The following ROBO2 variants were observed in gnomAD, a reference collection of about 807,000 sequenced individuals.
The protein encoded by ROBO2 is roundabout guidance receptor 2, also known as roundabout homolog 2.
A neutral mutation model predicts 160.8 loss-of-function variants in ROBO2; 53 were observed. The observed-to-expected ratio is 0.33, with a 90% confidence interval of 0.26 to 0.41. ROBO2 has a LOEUF of 0.41. Ranked by LOEUF, ROBO2 falls within the 10% of genes least tolerant of loss-of-function variation. The pLI, the probability that ROBO2 is intolerant of heterozygous loss-of-function variation, is 1.00. For synonymous variants in ROBO2, 664 were observed against 611.7 expected, an observed-to-expected ratio of 1.09 and a Z score of -1.26; for missense variants, 1,577 against 1,722.4, an observed-to-expected ratio of 0.92 and a Z score of 1.49.
intron 4 of ROBO2, among the ~76,000 whole-genome samples, chr3:77,485,510 T>C (rs2085245812): frequency 6.6e-6 from 1 of 152,110 alleles, no homozygotes; most frequent in Non-Finnish European, 1.5e-5. Context: ...ATACATTACC[T>C]TAGTTTGACA....
intron 2 of ROBO2, among the ~76,000 whole-genome samples, chr3:77,445,548 TA>T (rs1450889309): frequency 6.6e-6 from 1 of 151,802 alleles, no homozygotes; most frequent in African/African-American, 2.4e-5. Flanking sequence ...ATAGGAAAAA[TA>T]AAAAAGTTGA....
chr3:77,296,374 G>A (rs1374149994), intron 2 of ROBO2, among the ~76,000 whole-genome samples: 2 of 152,058 alleles, frequency 1.3e-5, no homozygotes, highest in Non-Finnish European at 2.9e-5. Flanking sequence ...GGTTAAACGG[G>A]TACACTGAGG....
chr3:76,092,484 G>A (rs2069275656), intron 2 of ROBO2, among the ~76,000 whole-genome samples: 4 of 152,010 alleles, frequency 2.6e-5, no homozygotes, highest in Admixed American at 2.6e-4. Flanking sequence ...ATGGCTAATG[G>A]CATAACTTCT....
At chr3:77,028,733 A>C (rs1018337466) in intron 2 of ROBO2, among the ~76,000 whole-genome samples, 2 of 152,116 alleles carry the variant, frequency 1.3e-5, no homozygotes, top group African/African-American at 4.8e-5. Flanking sequence ...AAAAGAAAAA[A>C]AATCTGCCAT....
At chr3:76,974,701 A>C (rs1421476210) in intron 2 of ROBO2, among the ~76,000 whole-genome samples, 1 of 152,164 alleles carries the variant, frequency 6.6e-6, no homozygotes, top group Non-Finnish European at 1.5e-5. Context: ...AATACCTACA[A>C]AATTTGTTGC....
At chr3:76,680,638 G>A (rs930421159) in intron 2 of ROBO2, among the ~76,000 whole-genome samples, 1 of 152,020 alleles carries the variant, frequency 6.6e-6, no homozygotes, top group Non-Finnish European at 1.5e-5. Flanking sequence ...GTGTGATATA[G>A]ATTTTTTTCT....
At chr3:77,588,456 C>A (rs1438406647) in intron 16 of ROBO2, among the ~76,000 whole-genome samples, 1 of 151,350 alleles carries the variant, frequency 6.6e-6, no homozygotes, top group Non-Finnish European at 1.5e-5. Flanking sequence ...GTTATTAATT[C>A]AACTCCTAGT....
intron 2 of ROBO2, among the ~76,000 whole-genome samples, chr3:76,072,209 AGGCT>A (rs1358194939): frequency 6.7e-6 from 1 of 150,030 alleles, no homozygotes; most frequent in Non-Finnish European, 1.5e-5. Context: ...CTAATCTCCG[AGGCT>A]GGATAGTAGA....
At chr3:75,938,132 G>A (rs1453412276) in intron 2 of ROBO2, among the ~76,000 whole-genome samples, 1 of 151,864 alleles carries the variant, frequency 6.6e-6, no homozygotes, top group Non-Finnish European at 1.5e-5. Flanking sequence ...CTTCCGCCAA[G>A]TGTATTTAGG....
intron 2 of ROBO2, among the ~76,000 whole-genome samples, chr3:76,342,065 G>C (rs370764129): frequency 6.6e-6 from 1 of 152,128 alleles, no homozygotes; most frequent in East Asian, 1.9e-4. Context: ...GTAGAGGATT[G>C]TTTCTTTCCT....
intron 2 of ROBO2, among the ~76,000 whole-genome samples, chr3:77,260,201 A>G (rs538797353): frequency 6.6e-6 from 1 of 152,308 alleles, no homozygotes; most frequent in Admixed American, 6.5e-5. Context: ...GGTTCTCAGC[A>G]GCCCATTTGT....
intron 2 of ROBO2, among the ~76,000 whole-genome samples, chr3:76,131,152 T>A (rs1383605862): frequency 1.3e-5 from 2 of 152,172 alleles, no homozygotes; most frequent in Non-Finnish European, 2.9e-5. Context: ...TAAAAAGTAG[T>A]TTTCACTATT....
At chr3:77,575,401 C>T (rs528510194) in intron 14 of ROBO2, among the ~76,000 whole-genome samples, 2 of 152,180 alleles carry the variant, frequency 1.3e-5, no homozygotes, top group Non-Finnish European at 2.9e-5. Context: ...TCCCTCCATT[C>T]TGCTTTTGTA....
chr3:76,674,598 T>TCACACG (rs1553863150), intron 2 of ROBO2, among the ~76,000 whole-genome samples: 3 of 148,068 alleles, frequency 2.0e-5, no homozygotes, highest in African/African-American at 7.5e-5. Context: ...ACCTCCTAGT[T>TCACACG]CACACACACA....
At chr3:76,351,424 G>GA (rs2074867524) in intron 2 of ROBO2, among the ~76,000 whole-genome samples, 1 of 151,848 alleles carries the variant, frequency 6.6e-6, no homozygotes, top group African/African-American at 2.4e-5. Flanking sequence ...CAGAACATCA[G>GA]AATCACTAGA....
chr3:76,519,649 C>T (rs1247427636), intron 2 of ROBO2, among the ~76,000 whole-genome samples: 1 of 152,080 alleles, frequency 6.6e-6, no homozygotes, highest in East Asian at 1.9e-4. Context: ...GATTTGCATA[C>T]TAGGACATTG....
chr3:76,904,015 C>G (rs1052748977), intron 2 of ROBO2, among the ~76,000 whole-genome samples: 2 of 152,070 alleles, frequency 1.3e-5, no homozygotes, highest in African/African-American at 2.4e-5. Flanking sequence ...TTCTAACAGT[C>G]TCTATTACCT....
intron 2 of ROBO2, among the ~76,000 whole-genome samples, chr3:76,654,934 T>TATATAA (rs1209776544): frequency 5.4e-5 from 8 of 148,060 alleles, no homozygotes; most frequent in Non-Finnish European, 1.2e-4. Flanking sequence ...TATATTTATA[T>TATATAA]ATATAAATTT....
intron 2 of ROBO2, among the ~76,000 whole-genome samples, chr3:76,323,303 A>C (rs1223414092): frequency 6.6e-6 from 1 of 152,088 alleles, no homozygotes; most frequent in Non-Finnish European, 1.5e-5. Context: ...CTCTTTCTTA[A>C]AACTCAAATA....
Sources: allele counts gnomAD v4.1 joint callset (sites outside exome capture counted in the v4.1 genomes callset), GRCh38; gene constraint gnomAD v4.1.1; transcripts MANE v1.5; gene names NCBI Gene and HGNC (gene_info 2026-07-23, HGNC 2026-07-21).